Variants in HHAT observed in about 807,000 individuals in gnomAD.
HHAT encodes hedgehog acyltransferase, also known as protein-cysteine N-palmitoyltransferase HHAT.
In HHAT, 47 loss-of-function variants were observed where a neutral mutation model predicts 70.8. That is an observed-to-expected ratio of 0.66 (90% CI 0.53 to 0.85). The LOEUF (loss-of-function observed/expected upper bound fraction) is 0.85. Ranked by LOEUF, HHAT falls within the 40% of genes least tolerant of loss-of-function variation. HHAT has a pLI of 0.00. For missense variants in HHAT, 609 were observed against 604.8 expected (o/e 1.01, Z -0.07); for synonymous variants, 228 against 247.6 (o/e 0.92, Z 0.74).
At chr1:210,497,007 C>T (rs12117750) in intron 8 of HHAT, among the ~76,000 whole-genome samples, 18,273 of 152,220 alleles carry the variant, frequency 0.12, 1,419 homozygotes, top group South Asian at 0.23. Flanking sequence ...TTGTTTCTTA[C>T]AGAATATGTT....
chr1:210,509,403 G>T (rs1443990289), intron 8 of HHAT, among the ~76,000 whole-genome samples: 1 of 152,130 alleles, frequency 6.6e-6, no homozygotes, highest in Non-Finnish European at 1.5e-5. Flanking sequence ...AGGAAGTTAA[G>T]GTTGGTGCAT....
intron 3 of HHAT, among the ~76,000 whole-genome samples, chr1:210,372,459 C>T (rs1424465014): frequency 6.6e-6 from 1 of 152,222 alleles, no homozygotes; most frequent in Non-Finnish European, 1.5e-5. Flanking sequence ...TCTCCCACAA[C>T]CTTGCCACCA....
At chr1:210,559,996 A>G (rs1027525410) in intron 9 of HHAT, among the ~76,000 whole-genome samples, 1 of 151,750 alleles carries the variant, frequency 6.6e-6, no homozygotes, top group African/African-American at 2.4e-5. Context: ...CTAATCGTAG[A>G]AGGCCCTTTA....
At chr1:210,346,558 G>A (rs1261594598) in intron 1 of HHAT, among the ~76,000 whole-genome samples, 1 of 152,218 alleles carries the variant, frequency 6.6e-6, no homozygotes, top group Non-Finnish European at 1.5e-5. Context: ...TTAGGCTTGT[G>A]TTTTAAAGCA....
intron 7 of HHAT, among the ~76,000 whole-genome samples, chr1:210,437,629 G>A (rs1341015735): frequency 6.6e-6 from 1 of 151,908 alleles, no homozygotes; most frequent in Non-Finnish European, 1.5e-5. Flanking sequence ...TAGGACGGCT[G>A]TGGAAAGAGG....
intron 7 of HHAT, among the ~76,000 whole-genome samples, chr1:210,457,356 C>G (rs192522457): frequency 1.3e-5 from 2 of 152,150 alleles, no homozygotes; most frequent in Admixed American, 1.3e-4. Flanking sequence ...GTCTAAGCTT[C>G]TTGAAGCTAC....
chr1:210,645,970 C>T (rs1307320146), intron 11 of HHAT, among the ~76,000 whole-genome samples: 1 of 152,184 alleles, frequency 6.6e-6, no homozygotes, highest in Non-Finnish European at 1.5e-5. Flanking sequence ...CCTGTTGCTG[C>T]TTCACCCTGC....
intron 3 of HHAT, among the ~76,000 whole-genome samples, chr1:210,375,084 GT>G (rs1333590260): frequency 2.6e-5 from 4 of 152,124 alleles, no homozygotes; most frequent in African/African-American, 7.2e-5. Flanking sequence ...GATTTCACCT[GT>G]TTTGCAAGCA....
At chr1:210,398,769 C>T (rs907241177) in intron 4 of HHAT, among the ~76,000 whole-genome samples, 2 of 152,132 alleles carry the variant, frequency 1.3e-5, no homozygotes, top group South Asian at 2.1e-4. Flanking sequence ...TTAAAACTAC[C>T]TCTTAAAATA....
chr1:210,545,100 A>G (rs1458121751), intron 9 of HHAT, among the ~76,000 whole-genome samples: 1 of 152,064 alleles, frequency 6.6e-6, no homozygotes, highest in Admixed American at 6.5e-5. Flanking sequence ...AAACCACACA[A>G]TTCTGATCAA....
At chr1:210,487,285 A>C (rs1020857495) in intron 8 of HHAT, among the ~76,000 whole-genome samples, 3 of 150,646 alleles carry the variant, frequency 2.0e-5, no homozygotes, top group African/African-American at 7.3e-5. Context: ...CCATTCTCAG[A>C]ATAAGTCAAT....
At chr1:210,667,520 A>G (rs779523488) in intron 11 of HHAT, among the ~76,000 whole-genome samples, 1 of 152,184 alleles carries the variant, frequency 6.6e-6, no homozygotes, top group Non-Finnish European at 1.5e-5. Flanking sequence ...CTAACATCCC[A>G]ATGTTATCTT....
At position 210,354,305 on chromosome 1, in the gene HHAT, A is replaced by G. The variant is rs183899569; in HGVS notation, c.91+5239A>G. ...CTGTAACCTCTGCCTCCTGGATTCAAGCAATTCTCATGCCTCTGCTTCCTG... is the reference window on the plus strand; with the variant it reads ...CTGTAACCTCTGCCTCCTGGATTCAGGCAATTCTCATGCCTCTGCTTCCTG... On this transcript the variant is annotated intron_variant, in intron 2 of 11. Transcript: ENST00000261458. Among the ~76,000 whole-genome samples, 207 of 150,412 alleles carry G rather than the reference A, an allele frequency of 1.4e-3. 2 individuals carry two copies. Among genetic ancestry groups the G allele is most frequent in the Middle Eastern group, 3.5e-3 (1 of 288 alleles).
intron 3 of HHAT, among the ~76,000 whole-genome samples, chr1:210,377,664 C>T (rs2148101863): frequency 6.6e-6 from 1 of 152,358 alleles, no homozygotes; most frequent in East Asian, 1.9e-4. Flanking sequence ...CGCAAAATAA[C>T]TTACCCATGT....
chr1:210,383,895 C>T (rs988451271), intron 3 of HHAT, among the ~76,000 whole-genome samples: 5 of 152,176 alleles, frequency 3.3e-5, no homozygotes, highest in Non-Finnish European at 7.3e-5. Context: ...GTCAGTTTCA[C>T]TGACATATGA....
intron 9 of HHAT, among the ~76,000 whole-genome samples, chr1:210,583,338 G>C (rs549979786): frequency 2.6e-5 from 4 of 152,146 alleles, no homozygotes; most frequent in African/African-American, 9.7e-5. Context: ...GGCAGGCTTC[G>C]TGAAGACTCA....
chr1:210,498,276 T>C (rs2094689253), intron 8 of HHAT, among the ~76,000 whole-genome samples: 1 of 152,232 alleles, frequency 6.6e-6, no homozygotes, highest in Non-Finnish European at 1.5e-5. Flanking sequence ...CTATTAAATG[T>C]AGTAAATTTT....
At chr1:210,600,513 G>C (rs1664011150) in intron 10 of HHAT, among the ~76,000 whole-genome samples, 1 of 152,126 alleles carries the variant, frequency 6.6e-6, no homozygotes, top group Admixed American at 6.5e-5. Flanking sequence ...GAAAGAATGG[G>C]GTAAGGAGGA....
chr1:210,362,475 T>C (rs2088453689), intron 2 of HHAT, among the ~76,000 whole-genome samples: 1 of 152,234 alleles, frequency 6.6e-6, no homozygotes, highest in Non-Finnish European at 1.5e-5. Context: ...TCCGCCCGTC[T>C]TGGCCTCCCA....
Sources: allele counts gnomAD v4.1 joint callset (sites outside exome capture counted in the v4.1 genomes callset), GRCh38; gene constraint gnomAD v4.1.1; transcripts MANE v1.5; gene names NCBI Gene and HGNC (gene_info 2026-07-23, HGNC 2026-07-21).